FABP7: variants seen among roughly 807,000 people sequenced by gnomAD.
FABP7 encodes fatty acid-binding protein, brain.
In FABP7, 13 loss-of-function variants were observed where a neutral mutation model predicts 14.2. The observed-to-expected ratio is 0.91, with a 90% CI of 0.59 to 1.45. The LOEUF is 1.45. Ranked by LOEUF, FABP7 falls within the 40% of genes most tolerant of loss-of-function variation. FABP7 has a pLI of 0.00. For synonymous variants in FABP7, 49 were observed against 51.4 expected (o/e 0.95, Z 0.20); for missense variants, 149 against 157.6 (o/e 0.95, Z 0.29).
At chr6:122,783,401 T>C (rs1171163340) in intron 3 of FABP7, 6 of 984,746 alleles carry the variant, frequency 6.1e-6, no homozygotes, top group Non-Finnish European at 7.2e-6. Context: ...TTAAAGCAGA[T>C]AGTTGAGAAA....
the FABP7 span, among the ~76,000 whole-genome samples, chr6:122,774,097 C>A: frequency 6.6e-6 from 1 of 152,050 alleles, no homozygotes; most frequent in Non-Finnish European, 1.5e-5. Flanking sequence ...AGCAGTGGCT[C>A]ACACCTATAA....
chr6:122,761,893 A>C, the FABP7 span, among the ~76,000 whole-genome samples: 3 of 152,206 alleles, frequency 2.0e-5, no homozygotes, highest in African/African-American at 7.2e-5. Flanking sequence ...TTGAGGCAAC[A>C]ATTAATAGCC....
At chr6:122,765,973 C>T in the FABP7 span, among the ~76,000 whole-genome samples, 1 of 152,018 alleles carries the variant, frequency 6.6e-6, no homozygotes, top group Non-Finnish European at 1.5e-5. Context: ...TTATATTTTG[C>T]TTCTCTTATT....
At chr6:122,751,125 GT>G in the FABP7 span, among the ~76,000 whole-genome samples, 9 of 152,174 alleles carry the variant, frequency 5.9e-5, no homozygotes, top group African/African-American at 2.2e-4. Flanking sequence ...AGTCTAGAAG[GT>G]ATCATAAAAT....
At chr6:122,757,403 A>G in the FABP7 span, among the ~76,000 whole-genome samples, 1 of 152,060 alleles carries the variant, frequency 6.6e-6, no homozygotes, top group Non-Finnish European at 1.5e-5. Context: ...TGAAGACTAA[A>G]TATCGTGATA....
intron 2 of FABP7, among the ~76,000 whole-genome samples, chr6:122,780,796 TAGAC>T (rs1780763223): frequency 6.6e-6 from 1 of 152,216 alleles, no homozygotes; most frequent in African/African-American, 2.4e-5. Context: ...ATTGACTAAA[TAGAC>T]AGTTTGCCTC....
At chr6:122,768,266 C>T in the FABP7 span, among the ~76,000 whole-genome samples, 1 of 152,014 alleles carries the variant, frequency 6.6e-6, no homozygotes, top group Non-Finnish European at 1.5e-5. Flanking sequence ...ATTGGTGAGT[C>T]CACTTTAGAA....
Position 122,780,375 on chromosome 6 carries a change from G to A in FABP7, c.158G>A (p.Arg53Lys), listed in dbSNP as rs1780754256. 4 of 1,614,000 alleles carry A rather than the reference G, an allele frequency of 2.5e-6. No individual in the cohort carries two copies. The highest frequency in any genetic ancestry group is 1.7e-5 in the Admixed American group (1 of 59,988). ...CAAGAAGGAGACAAAGTGGTCATCA[G>A]GACTCTCAGCACATTCAAGAACACG... is the stretch of plus-strand genomic sequence containing the variant. ...ISQEGDKVVI[R>K]TLSTFKNTEI... is the part of the protein sequence containing the mutation. The change falls in exon 2 of 4, where the codon AGG becomes AAG. Residue 53 changes from arginine to lysine, a missense_variant. Coordinates refer to ENST00000368444, the MANE Select transcript of FABP7 (RefSeq NM_001446.5).
the FABP7 span, among the ~76,000 whole-genome samples, chr6:122,762,136 C>A: frequency 3.3e-5 from 5 of 152,224 alleles, no homozygotes; most frequent in South Asian, 8.3e-4. Flanking sequence ...ATGCAAAAAT[C>A]CTCAATAAAA....
the FABP7 span, among the ~76,000 whole-genome samples, chr6:122,755,977 A>G: frequency 6.6e-6 from 1 of 152,130 alleles, no homozygotes; most frequent in African/African-American, 2.4e-5. Context: ...GCGGGCGTTT[A>G]TACAGTACAG....
chr6:122,770,347 A>G, the FABP7 span, among the ~76,000 whole-genome samples: 40,842 of 151,938 alleles, frequency 0.27, 6,299 homozygotes, highest in Non-Finnish European at 0.36. Flanking sequence ...GTTATAGGTC[A>G]TATTTCTTCC....
chr6:122,759,814 T>A, the FABP7 span, among the ~76,000 whole-genome samples: 25 of 152,170 alleles, frequency 1.6e-4, no homozygotes, highest in Non-Finnish European at 1.3e-4. Flanking sequence ...TTCTTTTTTT[T>A]AAACTTTATT....
chr6:122,753,413 C>A, the FABP7 span, among the ~76,000 whole-genome samples: 1 of 151,292 alleles, frequency 6.6e-6, no homozygotes, highest in African/African-American at 2.4e-5. Context: ...TTCAGTAATT[C>A]GCTCACACTC....
chr6:122,783,325 T>C (rs1350879020), intron 3 of FABP7: 3 of 985,124 alleles, frequency 3.0e-6, no homozygotes, highest in Non-Finnish European at 3.6e-6. Context: ...CTAATGGCTA[T>C]TCAAAATTTA....
At chr6:122,755,465 T>C in the FABP7 span, among the ~76,000 whole-genome samples, 1 of 148,806 alleles carries the variant, frequency 6.7e-6, no homozygotes, top group African/African-American at 2.4e-5. Flanking sequence ...TTGTATTTTT[T>C]TTTTTTTTTT....
chr6:122,749,436 G>A, the FABP7 span, among the ~76,000 whole-genome samples: 1 of 152,132 alleles, frequency 6.6e-6, no homozygotes, highest in Non-Finnish European at 1.5e-5. Flanking sequence ...ATTAAGTGAT[G>A]ATTAATAGTC....
At chr6:122,755,124 TACTC>T in the FABP7 span, among the ~76,000 whole-genome samples, 1 of 152,116 alleles carries the variant, frequency 6.6e-6, no homozygotes, top group African/African-American at 2.4e-5. Flanking sequence ...CTCTCTCACT[TACTC>T]ACCTTGCCAA....
In FABP7 at chr6:122,782,675, C is replaced by T. The variant is rs191923070; in HGVS notation, c.349-1042C>T. ...AGGGTGTGAGAATGCTTTACATAGT[C>T]CTTGTACGATGACAGCAGAGAAAGT... On this transcript the variant is annotated intron_variant, in intron 3 of 3. Coordinates refer to ENST00000368444, the MANE Select transcript of FABP7 (RefSeq NM_001446.5). 767 of 985,354 alleles carry T rather than the reference C, an allele frequency of 7.8e-4. 1 individual carries two copies. The highest frequency in any genetic ancestry group is 1.6e-3 in the South Asian group (34 of 21,276). 61.0% of individuals were successfully genotyped at this position (985,354 alleles called of 1,614,324 possible).
Position 122,783,811 on chromosome 6 carries a change from G to A in FABP7, c.*44G>A, listed in dbSNP as rs767348358. On this transcript the variant is annotated 3_prime_UTR_variant, in exon 4 of 4. Transcript: ENST00000368444. ...CTTGGAAGAGCTCTTCAGTTTTTCTGTTTCCTCAAGTCTCAGTGCTATCCT... is the reference window on the plus strand; with the variant it reads ...CTTGGAAGAGCTCTTCAGTTTTTCTATTTCCTCAAGTCTCAGTGCTATCCT... The A allele has an allele frequency of 1.9e-5, 29 of 1,489,670 alleles. No homozygotes were observed. The highest frequency in any genetic ancestry group is 4.6e-5 in the East Asian group (2 of 43,564). 92.3% of individuals were successfully genotyped at this position (1,489,670 alleles called of 1,614,324 possible).
Sources: gnomAD v4.1 joint callset for allele counts (sites outside exome capture counted in the v4.1 genomes callset) on GRCh38, gnomAD v4.1.1 for gene constraint, MANE v1.5 for transcripts, NCBI Gene and HGNC (gene_info 2026-07-23, HGNC 2026-07-21) for gene names.